SLC9A9: variants seen among roughly 807,000 people sequenced by gnomAD.
SLC9A9 encodes the protein sodium/hydrogen exchanger 9.
SLC9A9 carries 62 observed loss-of-function variants against 77.8 expected under a neutral mutation model. That is an observed-to-expected ratio of 0.80 (90% confidence interval 0.65 to 0.98). The LOEUF is 0.98. Among genes scored for constraint, SLC9A9 ranks in the 50% least tolerant of loss-of-function variants. SLC9A9 has a pLI of 0.00. For missense variants in SLC9A9, 775 were observed against 774.9 expected (o/e 1.00, Z 0.00); for synonymous variants, 320 against 283.5 (o/e 1.13, Z -1.29).
intron 9 of SLC9A9, among the ~76,000 whole-genome samples, chr3:143,549,783 A>G (rs1182364327): frequency 6.6e-6 from 1 of 152,174 alleles, no homozygotes; most frequent in Non-Finnish European, 1.5e-5. Flanking sequence ...AGAATGACTT[A>G]AAAGTGCAAG....
intron 6 of SLC9A9, among the ~76,000 whole-genome samples, chr3:143,592,085 C>A (rs554791190): frequency 6.6e-6 from 1 of 152,116 alleles, no homozygotes; most frequent in Non-Finnish European, 1.5e-5. Flanking sequence ...CCATGACCCC[C>A]CAAAAGGTTA....
At chr3:143,520,214 G>A (rs980971320) in intron 9 of SLC9A9, among the ~76,000 whole-genome samples, 6 of 152,194 alleles carry the variant, frequency 3.9e-5, no homozygotes, top group African/African-American at 1.4e-4. Context: ...ATATGTTGAA[G>A]CACTCACTAA....
At chr3:143,602,325 A>G (rs1364855316) in intron 6 of SLC9A9, among the ~76,000 whole-genome samples, 1 of 152,210 alleles carries the variant, frequency 6.6e-6, no homozygotes, top group African/African-American at 2.4e-5. Flanking sequence ...GTTCTGGCTC[A>G]GGCCCAAGAA....
At chr3:143,740,078 A>G (rs981578696) in intron 4 of SLC9A9, among the ~76,000 whole-genome samples, 1 of 152,182 alleles carries the variant, frequency 6.6e-6, no homozygotes, top group Non-Finnish European at 1.5e-5. Context: ...ACAAAGTCCA[A>G]CTTCTACTAA....
At chr3:143,459,064 G>A (rs1262008394) in intron 12 of SLC9A9, among the ~76,000 whole-genome samples, 1 of 151,158 alleles carries the variant, frequency 6.6e-6, no homozygotes, top group Non-Finnish European at 1.5e-5. Context: ...TTTGGTCATT[G>A]CATTTTCCAT....
At chr3:143,291,254 C>G (rs1376838109) in intron 14 of SLC9A9, among the ~76,000 whole-genome samples, 2 of 152,192 alleles carry the variant, frequency 1.3e-5, no homozygotes, top group Non-Finnish European at 1.5e-5. Flanking sequence ...TCCCAGTGTC[C>G]ACTCCCAGCT....
chr3:143,480,430 T>C (rs888581840), intron 11 of SLC9A9, among the ~76,000 whole-genome samples: 1 of 152,202 alleles, frequency 6.6e-6, no homozygotes, highest in Non-Finnish European at 1.5e-5. Context: ...TTCATATGGG[T>C]CTACTATACT....
chr3:143,319,813 C>G (rs900079989), intron 14 of SLC9A9, among the ~76,000 whole-genome samples: 4 of 152,202 alleles, frequency 2.6e-5, no homozygotes, highest in Non-Finnish European at 5.9e-5. Context: ...CATCTGCAAG[C>G]TTATCTGGGC....
At chr3:143,583,494 T>C (rs1324141656) in intron 6 of SLC9A9, among the ~76,000 whole-genome samples, 1 of 152,224 alleles carries the variant, frequency 6.6e-6, no homozygotes, top group Non-Finnish European at 1.5e-5. Flanking sequence ...ATGGGTCTGA[T>C]AGCTTAGGCA....
At chr3:143,510,157 A>G (rs1408856855) in intron 9 of SLC9A9, among the ~76,000 whole-genome samples, 2 of 152,248 alleles carry the variant, frequency 1.3e-5, no homozygotes, top group African/African-American at 4.8e-5. Context: ...AGAAAATATT[A>G]CTAAATTAGT....
chr3:143,703,350 A>G (rs1933861634), intron 4 of SLC9A9, among the ~76,000 whole-genome samples: 1 of 152,114 alleles, frequency 6.6e-6, no homozygotes, highest in Non-Finnish European at 1.5e-5. Flanking sequence ...TAAAAAAATT[A>G]AAATAATATC....
rs34418520 is a variant in SLC9A9, at chr3:143,424,271, C to CTTT, written c.1470-42160_1470-42158dup. Among the ~76,000 whole-genome samples the CTTT allele has an allele frequency of 9.6e-3, 1,378 of 144,260 alleles. 15 individuals are homozygous for CTTT. The highest frequency in any genetic ancestry group is 0.021 in the African/African-American group (816 of 38,886). The allele number at this position is 144,260 out of a possible 152,430, so 94.6% of individuals were successfully genotyped here. On this transcript the variant is annotated intron_variant, in intron 12 of 15. Coordinates refer to ENST00000316549, the MANE Select transcript of SLC9A9 (RefSeq NM_173653.4). ...AAAAAAAGGACATTATACTTGAAACCTTTTTTTTTTTTTGAGACAGAGTCT... is the reference window on the plus strand; with the variant it reads ...AAAAAAAGGACATTATACTTGAAACCTTTTTTTTTTTTTTTTGAGACAGAGTCT...
In SLC9A9 at chr3:143,294,754, C is replaced by T. The variant is rs150536811; in HGVS notation, c.1605-25774G>A. On this transcript the variant is annotated intron_variant, in intron 14 of 15. Transcript: ENST00000316549. ...TGTTGCCATTTTGCAGATGAAAGAA[C>T]TGAGTGGTTAAATTACTTGCTTAAG... Among the ~76,000 whole-genome samples the T allele has an allele frequency of 3.0e-3, 458 of 152,290 alleles. 1 individual carries two copies. Among genetic ancestry groups the T allele is most frequent in the African/African-American group, 0.01 (436 of 41,560 alleles).
intron 14 of SLC9A9, 65 bp downstream of exon 14, chr3:143,363,419 T>C: frequency 6.9e-7 from 1 of 1,459,244 alleles, no homozygotes; most frequent in South Asian, 1.1e-5. Context: ...ACTTCAATGA[T>C]TAAGAGCTTA....
chr3:143,827,584 G>A (rs1312701607), intron 2 of SLC9A9, among the ~76,000 whole-genome samples: 1 of 152,012 alleles, frequency 6.6e-6, no homozygotes, highest in Non-Finnish European at 1.5e-5. Flanking sequence ...CTTCTTATTG[G>A]AAGGAACTCA....
At chr3:143,494,354 T>C (rs1412686445) in intron 10 of SLC9A9, among the ~76,000 whole-genome samples, 1 of 152,254 alleles carries the variant, frequency 6.6e-6, no homozygotes, top group Non-Finnish European at 1.5e-5. Context: ...GCTCTTCATC[T>C]TTCCCTTTTT....
intron 12 of SLC9A9, among the ~76,000 whole-genome samples, chr3:143,424,149 T>C (rs149154495): frequency 6.0e-4 from 92 of 152,332 alleles, no homozygotes; most frequent in African/African-American, 2.1e-3. Context: ...GGTGGTTGCA[T>C]TGTGGTTACG....
intron 8 of SLC9A9, among the ~76,000 whole-genome samples, chr3:143,561,050 G>A (rs755002747): frequency 5.7e-4 from 87 of 152,080 alleles, no homozygotes; most frequent in Non-Finnish European, 4.4e-4. Flanking sequence ...GCGTGGTGGT[G>A]TGCGCCTGTA....
At chr3:143,819,576 A>G (rs148315806) in intron 2 of SLC9A9, among the ~76,000 whole-genome samples, 280 of 152,274 alleles carry the variant, frequency 1.8e-3, no homozygotes, top group African/African-American at 6.2e-3. Flanking sequence ...CTTATGGAAT[A>G]ATGGTGAGAT....
Sources: allele counts gnomAD v4.1 joint callset (sites outside exome capture counted in the v4.1 genomes callset), GRCh38; gene constraint gnomAD v4.1.1; transcripts MANE v1.5; gene names NCBI Gene and HGNC (gene_info 2026-07-23, HGNC 2026-07-21).